Variants in TCF7L1 observed in about 807,000 individuals in gnomAD.
TCF7L1 encodes the protein transcription factor 7 like 1, also known as transcription factor 7-like 1.
A neutral mutation model predicts 63.7 loss-of-function variants in TCF7L1; 18 were observed. The ratio of observed to expected loss-of-function variants is 0.28; its 90% CI spans 0.20 to 0.42. The LOEUF (loss-of-function observed/expected upper bound fraction) is 0.42, where lower values mean the gene tolerates loss of function less well. Among genes scored for constraint, TCF7L1 ranks in the 10% least tolerant of loss-of-function variants. The pLI, the probability that TCF7L1 is intolerant of heterozygous loss-of-function variation, is 1.00. For missense variants in TCF7L1, 654 were observed against 779.3 expected, an observed-to-expected ratio of 0.84 and a Z score of 1.91; for synonymous variants, 355 against 340.9, an observed-to-expected ratio of 1.04 and a Z score of -0.46.
chr2:85,277,786 A>T (rs1301410259), intron 3 of TCF7L1, among the ~76,000 whole-genome samples: 2 of 152,200 alleles, frequency 1.3e-5, no homozygotes, highest in African/African-American at 4.8e-5. Flanking sequence ...ATTCTGTAAC[A>T]TGAAGCTTTG....
intron 3 of TCF7L1, among the ~76,000 whole-genome samples, chr2:85,201,072 T>C (rs1679258595): frequency 6.6e-6 from 1 of 152,090 alleles, no homozygotes; most frequent in South Asian, 2.1e-4. Context: ...TGCAGTGGTG[T>C]GCGCCTGTAA....
At chr2:85,150,103 G>C (rs1677971643) in intron 3 of TCF7L1, among the ~76,000 whole-genome samples, 1 of 152,164 alleles carries the variant, frequency 6.6e-6, no homozygotes, top group South Asian at 2.1e-4. Context: ...TTGTAGAAGA[G>C]GAAAACATTT....
chr2:85,220,714 T>C (rs1264910857), intron 3 of TCF7L1, among the ~76,000 whole-genome samples: 1 of 152,228 alleles, frequency 6.6e-6, no homozygotes, highest in Non-Finnish European at 1.5e-5. Flanking sequence ...AAACAACATT[T>C]TTAAAACTTC....
chr2:85,297,956 A>T (rs966339365), intron 4 of TCF7L1, among the ~76,000 whole-genome samples: 2 of 150,874 alleles, frequency 1.3e-5, no homozygotes, highest in Non-Finnish European at 3.0e-5. Flanking sequence ...AATATTTTTT[A>T]TTTTATTTTA....
At chr2:85,281,761 T>A (rs893890834) in intron 3 of TCF7L1, among the ~76,000 whole-genome samples, 1 of 152,270 alleles carries the variant, frequency 6.6e-6, no homozygotes, top group South Asian at 2.1e-4. Flanking sequence ...CATGTGCTAG[T>A]CTGGCCTGTG....
intron 3 of TCF7L1, among the ~76,000 whole-genome samples, chr2:85,195,285 T>C (rs1679128774): frequency 6.6e-6 from 1 of 152,202 alleles, no homozygotes; most frequent in African/African-American, 2.4e-5. Flanking sequence ...CAGTCAGTGC[T>C]CAAGAAATGT....
intron 3 of TCF7L1, among the ~76,000 whole-genome samples, chr2:85,172,705 C>T (rs887892576): frequency 5.3e-5 from 8 of 152,206 alleles, no homozygotes; most frequent in South Asian, 2.1e-4. Context: ...GATTTATAGG[C>T]GTGAGCCACC....
chr2:85,215,054 G>C (rs1449351059), intron 3 of TCF7L1, among the ~76,000 whole-genome samples: 1 of 152,144 alleles, frequency 6.6e-6, no homozygotes, highest in African/African-American at 2.4e-5. Context: ...CTCCAGCCCT[G>C]TGCCCTGAAA....
At chr2:85,147,118 G>A (rs1677897360) in intron 3 of TCF7L1, among the ~76,000 whole-genome samples, 1 of 151,764 alleles carries the variant, frequency 6.6e-6, no homozygotes, top group Non-Finnish European at 1.5e-5. Flanking sequence ...GTTTGGAAAA[G>A]TTCGGAATTA....
At chr2:85,180,124 C>A (rs1169437314) in intron 3 of TCF7L1, among the ~76,000 whole-genome samples, 1 of 149,900 alleles carries the variant, frequency 6.7e-6, no homozygotes. Context: ...GGGAGAGGGC[C>A]GAGAAGATCT....
In TCF7L1 at chr2:85,309,887, G is replaced by A. The variant is rs79028776; in HGVS notation, c.*425G>A. On this transcript the variant is annotated 3_prime_UTR_variant, in exon 12 of 12. Coordinates refer to ENST00000282111, the MANE Select transcript of TCF7L1 (RefSeq NM_031283.3). ...CTGTTACCCAGCCCAAGTTTTCATC[G>A]TCTGCTCAATACCGTGGGTTCTTCT... 2,989 of 167,370 alleles carry A rather than the reference G, an allele frequency of 0.018. 43 individuals are homozygous for A. The highest frequency in any genetic ancestry group is 0.038 in the Middle Eastern group (13 of 338). The allele number at this position is 167,370 out of a possible 1,614,324, so 10.4% of individuals were successfully genotyped here.
intron 3 of TCF7L1, among the ~76,000 whole-genome samples, chr2:85,149,632 C>T (rs928182579): frequency 1.3e-5 from 2 of 152,086 alleles, no homozygotes; most frequent in African/African-American, 4.8e-5. Context: ...TCACGCCATT[C>T]TCCCACCTCA....
chr2:85,222,481 A>C (rs1679868187), intron 3 of TCF7L1, among the ~76,000 whole-genome samples: 1 of 151,946 alleles, frequency 6.6e-6, no homozygotes, highest in Non-Finnish European at 1.5e-5. Context: ...CAGCCTGGGC[A>C]ACATGGTGAA....
At chr2:85,250,346 C>G (rs1347857120) in intron 3 of TCF7L1, among the ~76,000 whole-genome samples, 1 of 152,178 alleles carries the variant, frequency 6.6e-6, no homozygotes, top group Non-Finnish European at 1.5e-5. Context: ...CCCTGGCCTT[C>G]TCACCTTGCC....
intron 3 of TCF7L1, among the ~76,000 whole-genome samples, chr2:85,156,426 GCA>G (rs1220701551): frequency 6.6e-6 from 1 of 152,202 alleles, no homozygotes; most frequent in Non-Finnish European, 1.5e-5. Context: ...CAGGAAGGGA[GCA>G]CACAGAATCC....
At position 85,304,291 on chromosome 2, in the gene TCF7L1, C is replaced by T. The variant is rs1682053771; in HGVS notation, c.798C>T (p.Gly266=). The T allele has an allele frequency of 3.7e-6, 6 of 1,614,110 alleles. No homozygotes were observed. Among genetic ancestry groups the T allele is most frequent in the Non-Finnish European group, 5.1e-6 (6 of 1,180,002 alleles). The change falls in exon 7 of 12, where the codon GGC becomes GGT. Residue 266 remains glycine, a synonymous_variant. Transcript: ENST00000282111. ...CCATGTACTCCCTTCCTCCCGGTGG[C>T]TTCCGGCACCCTTACCCCGCCCTCG... ...GQPMYSLPPG[G]FRHPYPALAM...
At chr2:85,299,374 A>G (rs1681908480) in intron 4 of TCF7L1, among the ~76,000 whole-genome samples, 1 of 151,280 alleles carries the variant, frequency 6.6e-6, no homozygotes. Context: ...ACATGGTGAA[A>G]CCCCATCTCT....
intron 3 of TCF7L1, among the ~76,000 whole-genome samples, chr2:85,166,684 T>C (rs1280339128): frequency 6.6e-6 from 1 of 152,126 alleles, no homozygotes; most frequent in African/African-American, 2.4e-5. Context: ...CCACAGTAGA[T>C]GGGAAGGCAT....
intron 3 of TCF7L1, among the ~76,000 whole-genome samples, chr2:85,138,235 G>A (rs1677641214): frequency 1.3e-5 from 2 of 152,086 alleles, no homozygotes; most frequent in Admixed American, 1.3e-4. Context: ...AATTGTCCTG[G>A]TCCTCAAACG....
Sources: gnomAD v4.1 joint callset for allele counts (sites outside exome capture counted in the v4.1 genomes callset) on GRCh38, gnomAD v4.1.1 for gene constraint, MANE v1.5 for transcripts, NCBI Gene and HGNC (gene_info 2026-07-23, HGNC 2026-07-21) for gene names.